UGT2A2: variants seen among roughly 807,000 people sequenced by gnomAD.
UGT2A2 encodes the protein UDP glucuronosyltransferase family 2 member A2.
A neutral mutation model predicts 50.7 loss-of-function variants in UGT2A2; 60 were observed. That is an observed-to-expected ratio of 1.18 (90% CI 0.96 to 1.47). The LOEUF (loss-of-function observed/expected upper bound fraction) is 1.47. UGT2A2 is among the 40% of genes most tolerant of loss of function. UGT2A2 has a pLI of 0.00. For synonymous variants in UGT2A2, 242 were observed against 214.6 expected (o/e 1.13, Z -1.11); for missense variants, 762 against 634.0 (o/e 1.20, Z -2.17).
At chr4:69,593,466 C>T (rs1009877633) in intron 5 of UGT2A2, among the ~76,000 whole-genome samples, 4 of 151,428 alleles carry the variant, frequency 2.6e-5, no homozygotes, top group African/African-American at 9.7e-5. Context: ...ATTACATATA[C>T]ATATATCATA....
At chr4:69,625,146 T>C (rs908608897) in intron 1 of UGT2A2, among the ~76,000 whole-genome samples, 6 of 146,362 alleles carry the variant, frequency 4.1e-5, no homozygotes, top group South Asian at 2.2e-4. Context: ...TTGCTTTCAA[T>C]GAGAAGTCTG....
intron 5 of UGT2A2, 83 bp from the exon 6 acceptor site, chr4:69,589,734 C>G: frequency 6.6e-7 from 1 of 1,517,636 alleles, no homozygotes; most frequent in Non-Finnish European, 8.8e-7. Flanking sequence ...CACTTTTGCT[C>G]TACAAGTTTA....
intron 5 of UGT2A2, among the ~76,000 whole-genome samples, chr4:69,592,476 G>T (rs888312736): frequency 1.3e-5 from 2 of 152,114 alleles, no homozygotes; most frequent in African/African-American, 2.4e-5. Context: ...GGAGGGTAAT[G>T]AATATGATAT....
At chr4:69,631,193 T>C (rs1454346039) in intron 1 of UGT2A2, among the ~76,000 whole-genome samples, 1 of 152,160 alleles carries the variant, frequency 6.6e-6, no homozygotes, top group East Asian at 1.9e-4. Flanking sequence ...GAGTGAATCC[T>C]AGAATCACAA....
At chr4:69,632,378 C>T (rs1721435478) in intron 1 of UGT2A2, among the ~76,000 whole-genome samples, 2 of 152,064 alleles carry the variant, frequency 1.3e-5, no homozygotes, top group African/African-American at 4.8e-5. Context: ...AGTTTACACA[C>T]AGCACCTTTC....
rs557115699 is a variant in UGT2A2, at chr4:69,625,324, A to G, written c.742+13575T>C. Among the ~76,000 whole-genome samples the G allele has an allele frequency of 6.0e-5, 9 of 150,886 alleles. No individual in the cohort carries two copies. In the East Asian group the frequency reaches 1.8e-3, roughly 29 times the overall value. The stretch of plus-strand genomic sequence containing the variant: ...ACTTCTTGGATCTATTTGTATATGG[A>G]ATTCACCAAATTTGAAAAATTTGGG... On this transcript the variant is annotated intron_variant, in intron 1 of 5. Transcript: ENST00000604629.
intron 1 of UGT2A2, among the ~76,000 whole-genome samples, 178 bp downstream of exon 1, chr4:69,638,721 C>A (rs557141301): frequency 7.5e-4 from 114 of 152,116 alleles, no homozygotes; most frequent in Admixed American, 1.7e-3. Context: ...ATTAATACCA[C>A]CATTTCATTG....
At position 69,603,604 on chromosome 4, in the gene UGT2A2, C is replaced by T. The variant is rs556151071; in HGVS notation, c.743-4210G>A. The stretch of plus-strand genomic sequence containing the variant: ...CGAGCTGAGAGAAGAAGGCTTCAAA[C>T]GATCAAACTGCTCCGAGCTACAGGA... On this transcript the variant is annotated intron_variant, in intron 1 of 5. Coordinates refer to ENST00000604629, the MANE Select transcript of UGT2A2 (RefSeq NM_001105677.2). 5.1e-5 allele frequency: 7 copies of T among 136,104 alleles called. 2 individuals carry two copies. Among genetic ancestry groups the T allele is most frequent in the East Asian group, 2.1e-4 (1 of 4,838 alleles). The allele number at this position is 136,104 out of a possible 1,614,324, so 8.4% of individuals were successfully genotyped here.
intron 1 of UGT2A2, among the ~76,000 whole-genome samples, chr4:69,626,200 A>T (rs1339182362): frequency 7.3e-5 from 11 of 150,584 alleles, no homozygotes; most frequent in Non-Finnish European, 1.3e-4. Flanking sequence ...TCTGGTAGAG[A>T]GATATTTGTA....
chr4:69,607,811 A>G (rs1190007875), intron 1 of UGT2A2, among the ~76,000 whole-genome samples: 1 of 152,230 alleles, frequency 6.6e-6, no homozygotes, highest in African/African-American at 2.4e-5. Flanking sequence ...CAAAAGACAC[A>G]TGAAAAAATG....
intron 2 of UGT2A2, among the ~76,000 whole-genome samples, chr4:69,599,009 A>G (rs971654303): frequency 3.9e-5 from 6 of 152,098 alleles, no homozygotes; most frequent in Non-Finnish European, 7.4e-5. Context: ...AGGTGTAGAC[A>G]CACTGATATT....
rs1249036235 is a variant in UGT2A2, at chr4:69,594,512, C to T, written c.1296G>A (p.Leu432=). 6.2e-7 allele frequency: 1 copy of T among 1,614,124 alleles called. No individual in the cohort carries two copies. Among genetic ancestry groups the T allele is most frequent in the South Asian group, 1.1e-5 (1 of 91,080 alleles). ...TAATGACTGTTCTCAAAGCGCTAAGCAAATCCACACTTGTCATTGTGTTTA... is the reference window on the plus strand; with the variant it reads ...TAATGACTGTTCTCAAAGCGCTAAGTAAATCCACACTTGTCATTGTGTTTA... ...VNLNTMTSVD[L]LSALRTVINE... Residue 432 remains leucine, a synonymous_variant, in exon 5 of 6, where the codon TTG becomes TTA. Transcript: ENST00000604629.
chr4:69,606,440 T>C lies in UGT2A2; in HGVS notation c.743-7046A>G, dbSNP rs530541745. ...ATGTATCTCAAAATAATAAGAGCTATCTATGACAGACCCACAGCCAATATC... is the reference window on the plus strand; with the variant it reads ...ATGTATCTCAAAATAATAAGAGCTACCTATGACAGACCCACAGCCAATATC... On this transcript the variant is annotated intron_variant, in intron 1 of 5. Coordinates refer to ENST00000604629, the MANE Select transcript of UGT2A2 (RefSeq NM_001105677.2). Among the ~76,000 whole-genome samples, 18 of 136,578 alleles carry C rather than the reference T, an allele frequency of 1.3e-4. 4 individuals carry two copies. The highest frequency in any genetic ancestry group is 5.0e-4 in the African/African-American group (17 of 33,682). 89.6% of individuals were successfully genotyped at this position (136,578 alleles called of 152,430 possible).
Position 69,595,221 on chromosome 4 carries a change from G to C in UGT2A2, c.1052C>G (p.Pro351Arg), listed in dbSNP as rs141445080. ...CTGAGTATTGTTTCCTAATGTGGCTGGTTTCTTTCCTTTGTATCTCCATAA... is the reference window on the plus strand; with the variant it reads ...CTGAGTATTGTTTCCTAATGTGGCTCGTTTCTTTCCTTTGTATCTCCATAA... ...KVLWRYKGKK[P>R]ATLGNNTQLF... Residue 351 changes from proline to arginine, a missense_variant, in exon 4 of 6, where the codon CCA becomes CGA. By Grantham distance (103) the Pro-to-Arg change is moderately radical (BLOSUM62 -2). Coordinates refer to ENST00000604629, the MANE Select transcript of UGT2A2 (RefSeq NM_001105677.2). 1.4e-4 allele frequency: 230 copies of C among 1,613,736 alleles called. No individual in the cohort carries two copies. In the African/African-American group the frequency reaches 2.9e-3, roughly 20 times the overall value.
intron 1 of UGT2A2, among the ~76,000 whole-genome samples, chr4:69,607,765 G>A (rs1298490324): frequency 1.3e-5 from 2 of 152,282 alleles, no homozygotes; most frequent in South Asian, 4.1e-4. Flanking sequence ...TGAAGGATAT[G>A]AACAGACACT....
At chr4:69,612,128 T>G (rs947887475) in intron 1 of UGT2A2, among the ~76,000 whole-genome samples, 7 of 152,042 alleles carry the variant, frequency 4.6e-5, no homozygotes, top group Admixed American at 4.6e-4. Flanking sequence ...CCAAGGTTAA[T>G]AGGCAGCTCC....
rs558804884 is a variant in UGT2A2 at position 69,605,491 on chromosome 4, C to T, written c.743-6097G>A. Among the ~76,000 whole-genome samples, 41 of 136,258 alleles carry T rather than the reference C, an allele frequency of 3.0e-4. 8 individuals are homozygous for T. Among genetic ancestry groups the T allele is most frequent in the African/African-American group, 1.1e-3 (36 of 33,564 alleles). The allele number at this position is 136,258 out of a possible 152,430, so 89.4% of individuals were successfully genotyped here. Reference sequence around the variant, plus strand: ...GCAGGAAAGATCTAAAATTGACACCCCAACATCACAATTGAAAGAACTAGA... The same window carrying T: ...GCAGGAAAGATCTAAAATTGACACCTCAACATCACAATTGAAAGAACTAGA... On this transcript the variant is annotated intron_variant, in intron 1 of 5. Coordinates refer to ENST00000604629, the MANE Select transcript of UGT2A2 (RefSeq NM_001105677.2).
At chr4:69,611,026 T>C (rs554443668) in intron 1 of UGT2A2, among the ~76,000 whole-genome samples, 2 of 152,270 alleles carry the variant, frequency 1.3e-5, no homozygotes, top group Non-Finnish European at 2.9e-5. Context: ...ATGAAAGCTG[T>C]GTACATAAAA....
chr4:69,606,035 G>T (rs62306500), intron 1 of UGT2A2, among the ~76,000 whole-genome samples: 24,988 of 135,604 alleles, frequency 0.18, 6,063 homozygotes, highest in Non-Finnish European at 0.22. Context: ...ACTATTCCAA[G>T]CAATAGAAAA....
Sources: allele counts gnomAD v4.1 joint callset (sites outside exome capture counted in the v4.1 genomes callset), GRCh38; gene constraint gnomAD v4.1.1; transcripts MANE v1.5; gene names NCBI Gene and HGNC (gene_info 2026-07-23, HGNC 2026-07-21).